Variants in TRMT2B observed in about 807,000 individuals in gnomAD.
The protein encoded by TRMT2B is tRNA methyltransferase 2B, also known as tRNA (uracil-5-)-methyltransferase homolog B.
Under a neutral mutation model 39.7 loss-of-function variants are expected in TRMT2B, and 34 were observed. The observed-to-expected ratio is 0.86, with a 90% CI of 0.65 to 1.14. TRMT2B has a LOEUF of 1.14. Ranked by LOEUF, TRMT2B falls within the 50% of genes most tolerant of loss-of-function variation. TRMT2B has a pLI of 0.00. For synonymous variants in TRMT2B, 132 were observed against 137.3 expected (o/e 0.96, Z 0.27); for missense variants, 318 against 377.2 (o/e 0.84, Z 1.30).
At chrX:100,973,572 C>T in the TRMT2B span, 68 of 954,510 alleles carry the variant, frequency 7.1e-5, no homozygotes, top group African/African-American at 1.9e-5. Flanking sequence ...CTAACAATCC[C>T]AGGCTTTCTG....
chrX:100,985,542 C>T, the TRMT2B span: 4 of 776,120 alleles, frequency 5.2e-6, no homozygotes, highest in African/African-American at 6.3e-5. Context: ...TCCTCTCTTC[C>T]CCTCTGCATA....
chrX:101,000,473 T>C, the TRMT2B span, among the ~76,000 whole-genome samples: 5 of 110,790 alleles, frequency 4.5e-5, no homozygotes, highest in African/African-American at 1.6e-4. Flanking sequence ...TTCGCTAGAA[T>C]TACTAGTAGC....
chrX:100,983,913 G>A, the TRMT2B span, among the ~76,000 whole-genome samples: 1 of 110,791 alleles, frequency 9.0e-6, no homozygotes, highest in Non-Finnish European at 1.9e-5. Flanking sequence ...GCAATGCTAT[G>A]GAAAATGTCA....
intron 13 of TRMT2B, among the ~76,000 whole-genome samples, chrX:101,014,659 C>G (rs1423780228): frequency 9.0e-6 from 1 of 110,499 alleles, no homozygotes; most frequent in African/African-American, 3.3e-5. Context: ...CCTATCTCAG[C>G]CTCCCAAGTA....
At chrX:100,979,899 T>C in the TRMT2B span, among the ~76,000 whole-genome samples, 2 of 111,590 alleles carry the variant, frequency 1.8e-5, no homozygotes, top group African/African-American at 3.3e-5. Flanking sequence ...AATTCCCTGG[T>C]TTACCAGGCA....
At chrX:101,006,372 T>C (rs1290430434), downstream of TRMT2B, among the ~76,000 whole-genome samples, 2 of 111,722 alleles carry the variant, frequency 1.8e-5, no homozygotes, top group Admixed American at 9.6e-5. Context: ...TTAGTGAAGA[T>C]TAGTGAGGTA....
At chrX:100,987,378 CTT>C in the TRMT2B span, 3 of 1,208,562 alleles carry the variant, frequency 2.5e-6, no homozygotes, top group South Asian at 5.3e-5. Context: ...CTTCTCTTCT[CTT>C]TTGTCACAGG....
chrX:100,985,787 A>T, the TRMT2B span: 11 of 1,209,638 alleles, frequency 9.1e-6, no homozygotes, highest in Non-Finnish European at 1.2e-5. Context: ...GCATGGCCAA[A>T]CTACTATGCA....
chrX:101,010,688 G>T lies in TRMT2B; in HGVS notation c.1408C>A (p.Pro470Thr). ...NVIELCCPPDPAKKLLGEPFV... is the reference protein window; with the variant it reads ...NVIELCCPPDTAKKLLGEPFV... Reference sequence around the variant, plus strand: ...GGCTCGCCTAAGAGCTTCTTAGCAGGGTCTGGAGGACAGCACAGCCTGTAG... The same window carrying T: ...GGCTCGCCTAAGAGCTTCTTAGCAGTGTCTGGAGGACAGCACAGCCTGTAG... Residue 470 changes from proline to threonine, a missense_variant, in exon 14 of 14, where the codon CCT (proline) becomes ACT (threonine). Physicochemically the swap from Pro to Thr is conservative, Grantham distance 38. Coordinates refer to ENST00000372936, the MANE Select transcript of TRMT2B (RefSeq NM_024917.6). 4.1e-6 allele frequency: 5 copies of T among 1,210,612 alleles called. No individual in the cohort carries two copies. Among genetic ancestry groups the T allele is most frequent in the Non-Finnish European group, 5.6e-6 (5 of 895,069 alleles).
the TRMT2B span, among the ~76,000 whole-genome samples, chrX:100,974,854 T>C: frequency 8.9e-6 from 1 of 111,773 alleles, no homozygotes; most frequent in Non-Finnish European, 1.9e-5. Context: ...TCCATGTTTA[T>C]TGGATAAATG....
chrX:101,030,976 ATT>A (rs761961934), intron 7 of TRMT2B, among the ~76,000 whole-genome samples: 6 of 101,954 alleles, frequency 5.9e-5, no homozygotes, highest in African/African-American at 3.6e-5. Context: ...AAGCCTCACT[ATT>A]TTTTTTTTTT....
chrX:100,975,056 GGACTTAATATAAAA>G, the TRMT2B span, among the ~76,000 whole-genome samples: 3 of 111,468 alleles, frequency 2.7e-5, no homozygotes, highest in East Asian at 8.4e-4. Context: ...CTACCAGAAA[GGACTTAATATAAAA>G]GTCTGATCAT....
chrX:100,974,311 G>A, the TRMT2B span: 2 of 540,346 alleles, frequency 3.7e-6, no homozygotes, highest in South Asian at 2.8e-5. Context: ...CCCTCTTTTT[G>A]TGCATAAACA....
At chrX:101,007,274 A>G (rs1416767648), downstream of TRMT2B, among the ~76,000 whole-genome samples, 3 of 112,248 alleles carry the variant, frequency 2.7e-5, no homozygotes, top group Non-Finnish European at 5.6e-5. Context: ...GGAATCCAAT[A>G]TATCTAGAGA....
intron 2 of TRMT2B, among the ~76,000 whole-genome samples, chrX:101,048,113 T>TAC (rs56212711): frequency 0.11 from 9,516 of 90,095 alleles, 432 homozygotes; most frequent in East Asian, 0.15. Context: ...TTTATACACA[T>TAC]ACACACACAC....
intron 2 of TRMT2B, among the ~76,000 whole-genome samples, chrX:101,048,338 C>T (rs1313738904): frequency 1.8e-5 from 2 of 110,771 alleles, no homozygotes; most frequent in African/African-American, 3.3e-5. Flanking sequence ...CTTAAGCTGG[C>T]CCAGAGTTCA....
chrX:100,982,896 A>C, the TRMT2B span, among the ~76,000 whole-genome samples: 1 of 110,815 alleles, frequency 9.0e-6, no homozygotes, highest in African/African-American at 3.3e-5. Flanking sequence ...GTGGTACTCA[A>C]GCTTTAAAGT....
At chrX:101,001,824 C>CA in the TRMT2B span, among the ~76,000 whole-genome samples, 1,691 of 59,802 alleles carry the variant, frequency 0.028, 58 homozygotes, top group African/African-American at 0.09. Flanking sequence ...AAGTGATATT[C>CA]AAAAAAAAAA....
intron 13 of TRMT2B, among the ~76,000 whole-genome samples, chrX:101,017,813 G>C (rs1206932734): frequency 8.9e-6 from 1 of 112,385 alleles, no homozygotes; most frequent in East Asian, 2.8e-4. Flanking sequence ...ACCAAAGCCA[G>C]AATTCAGGTA....
Sources: gnomAD v4.1 joint callset for allele counts (sites outside exome capture counted in the v4.1 genomes callset) on GRCh38, gnomAD v4.1.1 for gene constraint, MANE v1.5 for transcripts, NCBI Gene and HGNC (gene_info 2026-07-23, HGNC 2026-07-21) for gene names.